ABRAXAS1: variants seen among roughly 807,000 people sequenced by gnomAD.
ABRAXAS1 encodes the protein BRCA1-A complex subunit Abraxas 1.
ABRAXAS1 carries 26 observed loss-of-function variants against 38.4 expected under a neutral mutation model. The observed-to-expected ratio is 0.68, with a 90% confidence interval of 0.50 to 0.94. The LOEUF (loss-of-function observed/expected upper bound fraction) is 0.94. Among genes scored for constraint, ABRAXAS1 ranks in the 40% least tolerant of loss-of-function variants. ABRAXAS1 has a pLI of 0.00. For synonymous variants in ABRAXAS1, 144 were observed against 165.5 expected (o/e 0.87, Z 1.00); for missense variants, 438 against 481.9 (o/e 0.91, Z 0.85).
intron 3 of ABRAXAS1, 150 bp from the exon 4 acceptor site, chr4:83,472,438 A>G: frequency 2.3e-6 from 1 of 433,320 alleles, no homozygotes. Context: ...AACAGTAGAG[A>G]AAGTTCTCAA....
At chr4:83,484,910 A>G (rs962562670) in intron 1 of ABRAXAS1, 76 bp downstream of exon 1, 1 of 1,288,588 alleles carries the variant, frequency 7.8e-7, no homozygotes, top group Non-Finnish European at 1.1e-6. Context: ...CGGGGACCGG[A>G]GCAACAGCGG....
intron 7 of ABRAXAS1, among the ~76,000 whole-genome samples, chr4:83,466,391 T>G (rs1722355818): frequency 6.6e-6 from 1 of 152,198 alleles, no homozygotes. Context: ...GGAAGTATAC[T>G]GTTCCCAAAT....
At chr4:83,481,424 C>T (rs1722998440) in intron 2 of ABRAXAS1, among the ~76,000 whole-genome samples, 1 of 152,214 alleles carries the variant, frequency 6.6e-6, no homozygotes, top group Admixed American at 6.5e-5. Context: ...TCCTCAAACC[C>T]TTTACAGCCT....
intron 1 of ABRAXAS1, 52 bp from the exon 2 acceptor site, chr4:83,482,296 A>G: frequency 9.0e-7 from 1 of 1,111,290 alleles, no homozygotes. Flanking sequence ...ATTACTGTTC[A>G]CTTAACTAAC....
chr4:83,476,665 T>C lies in ABRAXAS1; in HGVS notation c.193A>G (p.Ile65Val), dbSNP rs1200375953. The change falls in exon 3 of 9, where the codon ATT (isoleucine) becomes GTT (valine). Residue 65 changes from isoleucine (I) to valine (V), a missense_variant. Coordinates refer to ENST00000321945, the MANE Select transcript of ABRAXAS1 (RefSeq NM_139076.3). ...VVYTIDIQKY[I>V]PCYQLFSFYN... ...TACCTAAAAAGCTGATAGCATGGAATATATTTCTGAATGTCTGGAAGAAAA... is the reference window on the plus strand; with the variant it reads ...TACCTAAAAAGCTGATAGCATGGAACATATTTCTGAATGTCTGGAAGAAAA... 7 of 1,567,820 alleles carry C rather than the reference T, an allele frequency of 4.5e-6. No individual in the cohort carries two copies. Among genetic ancestry groups the C allele is most frequent in the Non-Finnish European group, 5.3e-6 (6 of 1,139,294 alleles).
At chr4:83,481,996 C>T (rs1041705304) in intron 2 of ABRAXAS1, among the ~76,000 whole-genome samples, 158 bp downstream of exon 2, 16 of 152,272 alleles carry the variant, frequency 1.1e-4, no homozygotes, top group South Asian at 8.3e-4. Context: ...TAATCCGCCT[C>T]GGCCTCCCAA....
intron 3 of ABRAXAS1, 91 bp from the exon 4 acceptor site, chr4:83,472,379 C>T: frequency 4.3e-6 from 3 of 696,410 alleles, no homozygotes; most frequent in African/African-American, 3.7e-5. Flanking sequence ...CCTAACCCAA[C>T]TACCAAAGCC....
intron 2 of ABRAXAS1, chr4:83,477,996 G>A: frequency 1.0e-6 from 1 of 969,660 alleles, no homozygotes; most frequent in Admixed American, 1.7e-5. Context: ...ATGATTGGCA[G>A]CTTCATCGAT....
chr4:83,469,939 G>GT (rs1578128190), intron 5 of ABRAXAS1: 1 of 276,972 alleles, frequency 3.6e-6, no homozygotes, highest in Non-Finnish European at 6.6e-6. Flanking sequence ...TAAAAAAAAA[G>GT]TTTTTTTCCA....
At chr4:83,471,604 C>G (rs185045364) in intron 4 of ABRAXAS1, among the ~76,000 whole-genome samples, 201 of 152,202 alleles carry the variant, frequency 1.3e-3, no homozygotes, top group African/African-American at 4.7e-3. Flanking sequence ...GGGAAAAAAT[C>G]CATTTTGATC....
chr4:83,472,014 T>G (rs1722606450), intron 4 of ABRAXAS1, among the ~76,000 whole-genome samples: 1 of 152,174 alleles, frequency 6.6e-6, no homozygotes, highest in Non-Finnish European at 1.5e-5. Context: ...AAGAAAGGAT[T>G]AGAACAAAAT....
In ABRAXAS1 at chr4:83,459,661, G is replaced by C; in HGVS notation, c.*2808C>G. ...TTAGTAAAGCTTTATATAACCTGAA[G>C]GTTGTTTTTTGAAATTTACACATTC... On this transcript the variant is annotated 3_prime_UTR_variant, in exon 9 of 9. Coordinates refer to ENST00000321945, the MANE Select transcript of ABRAXAS1 (RefSeq NM_139076.3). The C allele has an allele frequency of 7.9e-7, 1 of 1,259,918 alleles. No homozygotes were observed. Among genetic ancestry groups the C allele is most frequent in the South Asian group, 1.3e-5 (1 of 77,376 alleles). The allele number at this position is 1,259,918 out of a possible 1,614,324, so 78.0% of individuals were successfully genotyped here.
chr4:83,480,649 T>C (rs1722967321), intron 2 of ABRAXAS1, among the ~76,000 whole-genome samples: 1 of 152,178 alleles, frequency 6.6e-6, no homozygotes, highest in Non-Finnish European at 1.5e-5. Flanking sequence ...CAAGTGTTCA[T>C]ACCCTGTGAC....
In ABRAXAS1 at chr4:83,465,294, T is replaced by C. The variant is rs532358906; in HGVS notation, c.682-1686A>G. 4.3e-4 allele frequency among the ~76,000 whole-genome samples: 31 copies of C among 72,928 alleles called. No homozygotes were observed. In the East Asian group the frequency reaches 0.013, roughly 30 times the overall value. The allele number at this position is 72,928 out of a possible 152,430, so 47.8% of individuals were successfully genotyped here. ...CAGTCCAGGCGACACACTGAGACTC[T>C]GTCTCAAAAAAAAAAAAAAAAAAAA... On this transcript the variant is annotated intron_variant, in intron 7 of 8. Coordinates refer to ENST00000321945, the MANE Select transcript of ABRAXAS1 (RefSeq NM_139076.3).
chr4:83,472,210 A>G lies in ABRAXAS1; in HGVS notation c.282+12T>C. ...ATAATACCAAAAAAAGGGAAGATAA[A>G]TTAGAGAATACCTTTTTGACATTTG... is the stretch of plus-strand genomic sequence containing the variant. On this transcript the variant is annotated intron_variant, in intron 4 of 8. Transcript: ENST00000321945. 1 of 1,476,048 alleles carries G rather than the reference A, an allele frequency of 6.8e-7. No homozygotes were observed. The allele number at this position is 1,476,048 out of a possible 1,614,324, so 91.4% of individuals were successfully genotyped here. A position where few individuals can be genotyped will look rare whatever the true frequency, so the allele number is the denominator to read the frequency against.
rs988040785 is a variant in ABRAXAS1, at chr4:83,460,553, A to C, written c.*1916T>G. 1 of 203,922 alleles carries C rather than the reference A, an allele frequency of 4.9e-6. No individual in the cohort carries two copies. Among genetic ancestry groups the C allele is most frequent in the African/African-American group, 2.4e-5 (1 of 41,760 alleles). 12.6% of individuals were successfully genotyped at this position (203,922 alleles called of 1,614,324 possible). On this transcript the variant is annotated 3_prime_UTR_variant, in exon 9 of 9. Coordinates refer to ENST00000321945, the MANE Select transcript of ABRAXAS1 (RefSeq NM_139076.3). ...CAGTGATGGAGACTGTATGGCCCAC[A>C]AAACCTAGATTATTATTGTGGCCCT...
Position 83,460,124 on chromosome 4 carries a change from C to T in ABRAXAS1, c.*2345G>A, listed in dbSNP as rs1328575002. Reference sequence around the variant, plus strand: ...CCCATAGGCCAAATTCGACCTGCTCCCTTTTTATCTTGATTAGGTTCATCA... The same window carrying T: ...CCCATAGGCCAAATTCGACCTGCTCTCTTTTTATCTTGATTAGGTTCATCA... On this transcript the variant is annotated 3_prime_UTR_variant, in exon 9 of 9. Coordinates refer to ENST00000321945, the MANE Select transcript of ABRAXAS1 (RefSeq NM_139076.3). The T allele has an allele frequency of 1.1e-5, 2 of 181,612 alleles. No homozygotes were observed. Among genetic ancestry groups the T allele is most frequent in the Admixed American group, 1.2e-4 (2 of 16,192 alleles). The allele number at this position is 181,612 out of a possible 1,614,324, so 11.3% of individuals were successfully genotyped here.
intron 2 of ABRAXAS1, among the ~76,000 whole-genome samples, chr4:83,481,089 G>A (rs936386410): frequency 6.6e-6 from 1 of 151,566 alleles, no homozygotes. Flanking sequence ...CCGGGATTGC[G>A]CCACTGCACT....
intron 2 of ABRAXAS1, 139 bp from the exon 3 acceptor site, chr4:83,476,818 G>C (rs557653032): frequency 1.7e-6 from 1 of 575,546 alleles, no homozygotes; most frequent in African/African-American, 1.9e-5. Context: ...ACAAATCTGC[G>C]ACATATACTA....
Sources: gnomAD v4.1 joint callset for allele counts (sites outside exome capture counted in the v4.1 genomes callset) on GRCh38, gnomAD v4.1.1 for gene constraint, MANE v1.5 for transcripts, NCBI Gene and HGNC (gene_info 2026-07-23, HGNC 2026-07-21) for gene names.